Variants in GALNT17 observed in about 807,000 individuals in gnomAD.
GALNT17 encodes polypeptide N-acetylgalactosaminyltransferase 17, also known as UDP-GalNAc:polypeptide N-acetylgalactosaminyltransferase-like 3.
A neutral mutation model predicts 63.7 loss-of-function variants in GALNT17; 29 were observed. The ratio of observed to expected loss-of-function variants is 0.46; its 90% CI spans 0.34 to 0.62. The LOEUF (loss-of-function observed/expected upper bound fraction) is 0.62, where lower values mean the gene tolerates loss of function less well. GALNT17 is among the 20% of genes least tolerant of loss of function. The pLI, the probability that GALNT17 is intolerant of heterozygous loss-of-function variation, is 0.01. For synonymous variants in GALNT17, 305 were observed against 318.3 expected (o/e 0.96, Z 0.45); for missense variants, 603 against 799.6 (o/e 0.75, Z 2.97).
At chr7:71,271,326 A>G (rs1179238799) in intron 1 of GALNT17, among the ~76,000 whole-genome samples, 3 of 152,242 alleles carry the variant, frequency 2.0e-5, no homozygotes, top group East Asian at 1.9e-4. Flanking sequence ...GGCACAGTCT[A>G]GCATTTTCCT....
At chr7:71,214,609 C>CT (rs2116401764) in intron 1 of GALNT17, among the ~76,000 whole-genome samples, 1 of 149,218 alleles carries the variant, frequency 6.7e-6, no homozygotes, top group Admixed American at 6.7e-5. Context: ...TGGTGTCTCA[C>CT]TCTTGTTGCC....
chr7:71,386,794 G>A (rs1792953779), intron 2 of GALNT17, among the ~76,000 whole-genome samples: 1 of 152,144 alleles, frequency 6.6e-6, no homozygotes, highest in Admixed American at 6.6e-5. Context: ...GAGCTGGTGT[G>A]CCTTAGGTTG....
intron 6 of GALNT17, among the ~76,000 whole-genome samples, chr7:71,587,101 C>T: frequency 6.6e-6 from 1 of 152,080 alleles, no homozygotes; most frequent in East Asian, 1.9e-4. Flanking sequence ...GATCTCAGCT[C>T]ACTGCAACCT....
chr7:71,370,987 CTG>C (rs1792611824), intron 2 of GALNT17, among the ~76,000 whole-genome samples: 3 of 152,152 alleles, frequency 2.0e-5, no homozygotes, highest in Admixed American at 2.0e-4. Context: ...TTAGTGGTAT[CTG>C]TATTTGTTTT....
rs1563125501 is a variant in GALNT17 at position 71,482,120 on chromosome 7, T to TGTAG, written c.962+61016_962+61017insTAGG. Among the ~76,000 whole-genome samples the TGTAG allele has an allele frequency of 8.9e-4, 133 of 149,086 alleles. No individual in the cohort carries two copies. The East Asian group carries it at 0.021, about 23-fold the overall frequency. ...GTGTGTGTGTGTGTGTGTGTATGTA[T>TGTAG]GGTCATGCATTGCATAATGACAAGG... On this transcript the variant is annotated intron_variant, in intron 5 of 10. Transcript: ENST00000333538.
intron 2 of GALNT17, among the ~76,000 whole-genome samples, chr7:71,379,728 A>T (rs144248464): frequency 2.6e-3 from 399 of 152,272 alleles, no homozygotes; most frequent in African/African-American, 8.3e-3. Context: ...AGTTTTCAGC[A>T]TGCTGAATTT....
intron 5 of GALNT17, among the ~76,000 whole-genome samples, chr7:71,543,413 G>A (rs900920006): frequency 3.3e-5 from 5 of 152,170 alleles, no homozygotes; most frequent in African/African-American, 1.2e-4. Context: ...CTTTAAGGCA[G>A]GAATTTTATC....
At chr7:71,573,465 G>A (rs545761810) in intron 6 of GALNT17, among the ~76,000 whole-genome samples, 126 of 152,070 alleles carry the variant, frequency 8.3e-4, no homozygotes, top group African/African-American at 3.0e-3. Context: ...CAAGTAGCTG[G>A]GACTACAGGC....
intron 6 of GALNT17, among the ~76,000 whole-genome samples, chr7:71,641,624 C>G (rs1790605331): frequency 6.6e-6 from 1 of 152,052 alleles, no homozygotes; most frequent in African/African-American, 2.4e-5. Context: ...AAGAGCTCCA[C>G]TCTGAGGACC....
At chr7:71,504,411 A>G (rs1266667702) in intron 5 of GALNT17, among the ~76,000 whole-genome samples, 1 of 152,042 alleles carries the variant, frequency 6.6e-6, no homozygotes, top group Non-Finnish European at 1.5e-5. Flanking sequence ...AAATAAATAA[A>G]TAAATAAGTG....
chr7:71,468,505 C>T (rs1475995482), intron 5 of GALNT17, among the ~76,000 whole-genome samples: 1 of 152,150 alleles, frequency 6.6e-6, no homozygotes, highest in Non-Finnish European at 1.5e-5. Flanking sequence ...CAGCCTCCAT[C>T]TCCCAGGTTC....
At chr7:71,334,436 T>C (rs1791862548) in intron 1 of GALNT17, among the ~76,000 whole-genome samples, 1 of 151,502 alleles carries the variant, frequency 6.6e-6, no homozygotes, top group African/African-American at 2.4e-5. Context: ...ATCTCCATCA[T>C]TTAAATGGAT....
rs183429223 is a variant in GALNT17, at chr7:71,254,717, T to A, written c.239-80833T>A. ...CATCAATCAGTTGGGGGGCTTAGATTTGATTTTTGATTTACAGAGTGTACC... is the reference window on the plus strand; with the variant it reads ...CATCAATCAGTTGGGGGGCTTAGATATGATTTTTGATTTACAGAGTGTACC... On this transcript the variant is annotated intron_variant, in intron 1 of 10. Transcript: ENST00000333538. Among the ~76,000 whole-genome samples, 7 of 152,242 alleles carry A rather than the reference T, an allele frequency of 4.6e-5. No homozygotes were observed. The East Asian group carries it at 1.4e-3, about 30-fold the overall frequency.
At chr7:71,191,448 G>A (rs1467900555) in intron 1 of GALNT17, among the ~76,000 whole-genome samples, 3 of 151,598 alleles carry the variant, frequency 2.0e-5, no homozygotes, top group Non-Finnish European at 4.4e-5. Context: ...CCAGATCTCT[G>A]TAGCAACTAC....
At chr7:71,206,329 C>T (rs1377660554) in intron 1 of GALNT17, among the ~76,000 whole-genome samples, 1 of 151,882 alleles carries the variant, frequency 6.6e-6, no homozygotes, top group African/African-American at 2.4e-5. Context: ...CCCTTTCTGA[C>T]AGCAGTGGTG....
chr7:71,288,215 CAAAAAAAAAAA>C (rs59555320), intron 1 of GALNT17, among the ~76,000 whole-genome samples: 1 of 83,844 alleles, frequency 1.2e-5, no homozygotes, highest in African/African-American at 5.3e-5. Context: ...GACTCCATCT[CAAAAAAAAAAA>C]AAAAAAAAAA....
intron 5 of GALNT17, among the ~76,000 whole-genome samples, chr7:71,506,598 A>G (rs1284405782): frequency 6.6e-6 from 1 of 152,196 alleles, no homozygotes; most frequent in African/African-American, 2.4e-5. Flanking sequence ...ATATAATTTT[A>G]TGTTTTAATT....
chr7:71,608,689 G>C (rs572340873), intron 6 of GALNT17, among the ~76,000 whole-genome samples: 1 of 152,160 alleles, frequency 6.6e-6, no homozygotes, highest in Non-Finnish European at 1.5e-5. Flanking sequence ...TGGAGGACTG[G>C]GGTCATAGAA....
chr7:71,585,170 T>G (rs1314029387), intron 6 of GALNT17, among the ~76,000 whole-genome samples: 2 of 152,222 alleles, frequency 1.3e-5, no homozygotes, highest in Non-Finnish European at 2.9e-5. Context: ...CAAGAACACT[T>G]TAAGCTCTGC....
Sources: gnomAD v4.1 joint callset for allele counts (sites outside exome capture counted in the v4.1 genomes callset) on GRCh38, gnomAD v4.1.1 for gene constraint, MANE v1.5 for transcripts, NCBI Gene and HGNC (gene_info 2026-07-23, HGNC 2026-07-21) for gene names.